The following CDC42BPB variants were observed in gnomAD, a reference collection of about 807,000 sequenced individuals.
CDC42BPB encodes CDC42 binding protein kinase beta, also known as serine/threonine-protein kinase MRCK beta.
In CDC42BPB, 37 loss-of-function variants were observed where a neutral mutation model predicts 214.9. That is an observed-to-expected ratio of 0.17 (90% CI 0.13 to 0.23). The LOEUF (loss-of-function observed/expected upper bound fraction) is 0.23, where lower values mean the gene tolerates loss of function less well. CDC42BPB is among the 10% of genes least tolerant of loss of function. CDC42BPB has a pLI of 1.00. For missense variants in CDC42BPB, 1,694 were observed against 2,227.0 expected (o/e 0.76, Z 4.82); for synonymous variants, 931 against 884.0 (o/e 1.05, Z -0.94).
At chr14:103,005,515 C>G (rs1895196096) in intron 3 of CDC42BPB, among the ~76,000 whole-genome samples, 1 of 151,368 alleles carries the variant, frequency 6.6e-6, no homozygotes, top group East Asian at 2.0e-4. Flanking sequence ...TGAGACCAGC[C>G]TGGGCAACAT....
At chr14:102,939,502 G>T in intron 34 of CDC42BPB, 108 bp downstream of exon 34, 1 of 792,640 alleles carries the variant, frequency 1.3e-6, no homozygotes, top group Non-Finnish European at 2.1e-6. Flanking sequence ...AGAGCACAGC[G>T]CCAGCCTCGC....
At chr14:102,957,124 C>G (rs1892745284) in intron 21 of CDC42BPB, among the ~76,000 whole-genome samples, 2 of 146,176 alleles carry the variant, frequency 1.4e-5, no homozygotes, top group South Asian at 4.4e-4. Flanking sequence ...TTGCTTGAAC[C>G]TGGGAGGTGG....
Position 102,972,087 on chromosome 14 carries a change from C to T in CDC42BPB, c.1716G>A (p.Leu572=), listed in dbSNP as rs2139475242. 3 of 1,614,292 alleles carry T rather than the reference C, an allele frequency of 1.9e-6. No individual in the cohort carries two copies. The highest frequency in any genetic ancestry group is 2.5e-6 in the Non-Finnish European group (3 of 1,180,056). ...ELKDAHQQRK[L]ALQEFSELNE... ...TCAGCTCCGAGAACTCCTGCAGGGC[C>T]AGCTTTCGCTGCTGATGGGCATCTT... The change falls in exon 13 of 37, where the codon CTG becomes CTA. Residue 572 remains leucine, a synonymous_variant. Transcript: ENST00000361246.
intron 1 of CDC42BPB, among the ~76,000 whole-genome samples, chr14:103,020,798 C>T (rs529363603): frequency 1.2e-4 from 18 of 152,252 alleles, no homozygotes; most frequent in African/African-American, 4.3e-4. Context: ...TTTATTCTTA[C>T]GGTTCAGACG....
rs528765159 is a variant in CDC42BPB, at chr14:103,042,370, C to T, written c.175+14629G>A. ...TGTCACCCAGGCTGGAGTTCAGTGG[C>T]GTGATCTCAGCTCACTGCAAGGCTC... On this transcript the variant is annotated intron_variant, in intron 1 of 36. Transcript: ENST00000361246. Among the ~76,000 whole-genome samples, 120 of 151,902 alleles carry T rather than the reference C, an allele frequency of 7.9e-4. 1 individual carries two copies. Among genetic ancestry groups the T allele is most frequent in the Non-Finnish European group, 1.3e-3 (89 of 67,966 alleles).
intron 1 of CDC42BPB, among the ~76,000 whole-genome samples, chr14:103,044,985 A>G (rs1298796148): frequency 6.6e-6 from 1 of 151,220 alleles, no homozygotes; most frequent in Non-Finnish European, 1.5e-5. Context: ...GGATCCCTTG[A>G]GCTCTGGAGT....
At position 102,933,634 on chromosome 14, in the gene CDC42BPB, C is replaced by T. The variant is rs1051753126; in HGVS notation, c.*78G>A. 8.4e-7 allele frequency: 1 copy of T among 1,189,354 alleles called. No homozygotes were observed. The highest frequency in any genetic ancestry group is 1.6e-5 in the African/African-American group (1 of 62,196). The allele number at this position is 1,189,354 out of a possible 1,614,324, so 73.7% of individuals were successfully genotyped here. A position where few individuals can be genotyped will look rare whatever the true frequency, so the allele number is the denominator to read the frequency against. On this transcript the variant is annotated 3_prime_UTR_variant, in exon 37 of 37. Transcript: ENST00000361246. ...TGATTCTACATTTCCTTGGACAACACTGGAGGGCCCGCTCAGTCTTGGCAC... is the reference window on the plus strand; with the variant it reads ...TGATTCTACATTTCCTTGGACAACATTGGAGGGCCCGCTCAGTCTTGGCAC...
At chr14:103,007,737 G>C (rs1885918763) in intron 3 of CDC42BPB, among the ~76,000 whole-genome samples, 1 of 152,190 alleles carries the variant, frequency 6.6e-6, no homozygotes, top group Non-Finnish European at 1.5e-5. Context: ...AGTGCCTTCT[G>C]GCAGAGGCGG....
chr14:103,015,708 G>A (rs909312349), intron 1 of CDC42BPB, among the ~76,000 whole-genome samples: 1 of 152,008 alleles, frequency 6.6e-6, no homozygotes, highest in African/African-American at 2.4e-5. Flanking sequence ...GGAAATTAAA[G>A]AAGAGGCTGG....
intron 21 of CDC42BPB, 85 bp downstream of exon 21, chr14:102,959,545 GC>G (rs1892862246): frequency 2.3e-6 from 2 of 873,950 alleles, no homozygotes; most frequent in Non-Finnish European, 3.6e-6. Flanking sequence ...TGTGTTTGTG[GC>G]CCCATGAGTG....
chr14:103,040,153 G>A (rs1469412778), intron 1 of CDC42BPB, among the ~76,000 whole-genome samples: 15 of 152,090 alleles, frequency 9.9e-5, no homozygotes, highest in African/African-American at 3.6e-4. Flanking sequence ...TCAAGCGTTC[G>A]AGACCAGCCT....
At chr14:102,954,718 T>A (rs370424155) in intron 21 of CDC42BPB, 30 bp from the exon 22 acceptor site, 47 of 1,599,732 alleles carry the variant, frequency 2.9e-5, no homozygotes, top group Non-Finnish European at 4.0e-5. Context: ...AAGAGTGGGG[T>A]GAAAGGACAT....
intron 36 of CDC42BPB, among the ~76,000 whole-genome samples, chr14:102,934,527 C>G (rs1049518688): frequency 1.3e-5 from 2 of 151,534 alleles, no homozygotes; most frequent in African/African-American, 2.4e-5. Context: ...GAGCGAGACT[C>G]CGTCACAAAA....
intron 1 of CDC42BPB, among the ~76,000 whole-genome samples, chr14:103,042,982 G>A (rs1888091409): frequency 6.6e-6 from 1 of 151,382 alleles, no homozygotes; most frequent in Non-Finnish European, 1.5e-5. Context: ...AATGTTCAGA[G>A]AATAGGTATT....
chr14:102,936,666 A>G (rs901797220), intron 36 of CDC42BPB, among the ~76,000 whole-genome samples: 1 of 152,164 alleles, frequency 6.6e-6, no homozygotes, highest in Non-Finnish European at 1.5e-5. Flanking sequence ...TGTCTTTTTT[A>G]TTATGTTTTA....
chr14:102,980,470 C>T (rs935699563), intron 8 of CDC42BPB, among the ~76,000 whole-genome samples: 4 of 151,194 alleles, frequency 2.6e-5, no homozygotes, highest in South Asian at 4.2e-4. Context: ...TCCAGCCTGG[C>T]GACAGAGCAA....
chr14:102,953,637 C>T (rs1396591867), intron 23 of CDC42BPB, among the ~76,000 whole-genome samples: 1 of 152,182 alleles, frequency 6.6e-6, no homozygotes, highest in Non-Finnish European at 1.5e-5. Flanking sequence ...TTCTGATCTG[C>T]GTTGATGTTT....
At chr14:103,036,153 C>A (rs1225241353) in intron 1 of CDC42BPB, among the ~76,000 whole-genome samples, 1 of 135,978 alleles carries the variant, frequency 7.4e-6, no homozygotes, top group Non-Finnish European at 1.6e-5. Context: ...ATAAAATATT[C>A]TTTTTTTTTT....
chr14:102,992,604 C>T (rs2139566004), intron 5 of CDC42BPB, among the ~76,000 whole-genome samples: 1 of 152,206 alleles, frequency 6.6e-6, no homozygotes, highest in Non-Finnish European at 1.5e-5. Context: ...CCTAAGAATC[C>T]ACTCACCGCC....
Sources: allele counts gnomAD v4.1 joint callset (sites outside exome capture counted in the v4.1 genomes callset), GRCh38; gene constraint gnomAD v4.1.1; transcripts MANE v1.5; gene names NCBI Gene and HGNC (gene_info 2026-07-23, HGNC 2026-07-21).